Variants in CTNNA2 observed in about 807,000 individuals in gnomAD.
CTNNA2 encodes catenin alpha-2.
A neutral mutation model predicts 101.0 loss-of-function variants in CTNNA2; 42 were observed. That is an observed-to-expected ratio of 0.42 (90% CI 0.32 to 0.54). The LOEUF (loss-of-function observed/expected upper bound fraction) is 0.54. Among genes scored for constraint, CTNNA2 ranks in the 20% least tolerant of loss-of-function variants. CTNNA2 has a pLI of 0.14. For missense variants in CTNNA2, 871 were observed against 1,223.1 expected (o/e 0.71, Z 4.29); for synonymous variants, 450 against 456.4 (o/e 0.99, Z 0.18).
chr2:80,030,261 A>T (rs1298698953), intron 7 of CTNNA2, among the ~76,000 whole-genome samples: 1 of 152,110 alleles, frequency 6.6e-6, no homozygotes, highest in Non-Finnish European at 1.5e-5. Context: ...TTAAAAGAAA[A>T]AAACTGCTAA....
At chr2:80,075,527 A>ATAAC (rs1412170777) in intron 7 of CTNNA2, among the ~76,000 whole-genome samples, 1 of 146,520 alleles carries the variant, frequency 6.8e-6, no homozygotes, top group East Asian at 2.0e-4. Flanking sequence ...TCATCAAAAA[A>ATAAC]TAACTGTTAT....
chr2:80,031,976 C>G (rs1695321007), intron 7 of CTNNA2, among the ~76,000 whole-genome samples: 1 of 152,196 alleles, frequency 6.6e-6, no homozygotes, highest in Non-Finnish European at 1.5e-5. Context: ...CTTGAGAAAT[C>G]TGTTTTGAAG....
At chr2:79,872,166 TATTC>T (rs949222693) in intron 5 of CTNNA2, among the ~76,000 whole-genome samples, 6 of 152,202 alleles carry the variant, frequency 3.9e-5, no homozygotes, top group Admixed American at 3.9e-4. Context: ...TTATAAATAT[TATTC>T]ATGTTATTAA....
chr2:79,354,427 T>TCTTCCAG (rs1345506819), intron 3 of CTNNA2, among the ~76,000 whole-genome samples: 2 of 152,212 alleles, frequency 1.3e-5, no homozygotes, highest in Non-Finnish European at 2.9e-5. Flanking sequence ...AAAGGACATG[T>TCTTCCAG]CTTCCAGCTC....
intron 15 of CTNNA2, among the ~76,000 whole-genome samples, chr2:80,591,457 G>GTTTTTTTTTTCTTTTTTTTTTT (rs1696489265): frequency 1.4e-5 from 1 of 70,314 alleles, no homozygotes. Context: ...TGCACAGCCT[G>GTTTTTTTTTTCTTTTTTTTTTT]TTTTTTTTTT....
In CTNNA2 at chr2:80,302,556, C is replaced by T. The variant is rs777356920; in HGVS notation, c.1057-90655C>T. On this transcript the variant is annotated intron_variant, in intron 7 of 18. Transcript: ENST00000402739. The surrounding 1 kb of genome is among the most constrained non-coding windows in gnomAD (Gnocchi z 6.4). The stretch of plus-strand genomic sequence containing the variant: ...GTGACCACCTTGTGGATCTGCACGG[C>T]GTTCTCGGCGTGCTCGCCGCCTGGA... The T allele has an allele frequency of 1.9e-6, 3 of 1,608,854 alleles. No individual in the cohort carries two copies. Among genetic ancestry groups the T allele is most frequent in the Non-Finnish European group, 2.5e-6 (3 of 1,179,494 alleles).
In CTNNA2 at chr2:80,224,761, A is replaced by G. The variant is rs532465108; in HGVS notation, c.1057-168450A>G. Among the ~76,000 whole-genome samples, 23 of 152,214 alleles carry G rather than the reference A, an allele frequency of 1.5e-4. No homozygotes were observed. In the South Asian group the frequency reaches 4.6e-3, roughly 30 times the overall value. ...TGCCCAGCCACAGCTGCATTTATTA[A>G]TGCTACAAGAGACCTACCTCTAGTT... On this transcript the variant is annotated intron_variant, in intron 7 of 18. Coordinates refer to ENST00000402739, the MANE Select transcript of CTNNA2 (RefSeq NM_001282597.3).
chr2:80,275,217 A>G (rs1432480528), intron 7 of CTNNA2, among the ~76,000 whole-genome samples: 1 of 152,204 alleles, frequency 6.6e-6, no homozygotes, highest in Non-Finnish European at 1.5e-5. Flanking sequence ...AGAGAACAAA[A>G]TGTCTAACAG....
At chr2:79,674,513 AC>A (rs1683059399) in intron 2 of CTNNA2, among the ~76,000 whole-genome samples, 1 of 152,156 alleles carries the variant, frequency 6.6e-6, no homozygotes, top group Admixed American at 6.5e-5. Flanking sequence ...AAATGGCATG[AC>A]CCCATCACTA....
intron 7 of CTNNA2, among the ~76,000 whole-genome samples, chr2:80,137,734 CTT>C (rs200421120): frequency 8.2e-5 from 12 of 145,682 alleles, no homozygotes; most frequent in South Asian, 4.3e-4. Context: ...GATCTCCTGC[CTT>C]TTTTTTTTTT....
At chr2:79,822,592 C>T (rs4852531) in intron 3 of CTNNA2, among the ~76,000 whole-genome samples, 71,272 of 151,836 alleles carry the variant, frequency 0.47, 17,578 homozygotes, top group East Asian at 0.58. Context: ...ATTTTGCCTC[C>T]GGAATATCCC....
chr2:79,626,430 A>G (rs1679307663), intron 1 of CTNNA2, among the ~76,000 whole-genome samples: 1 of 152,186 alleles, frequency 6.6e-6, no homozygotes, highest in East Asian at 1.9e-4. Flanking sequence ...TTGTACCATT[A>G]GCCTGAAATT....
intron 7 of CTNNA2, among the ~76,000 whole-genome samples, chr2:80,273,935 G>A (rs1412825315): frequency 1.3e-5 from 2 of 152,056 alleles, no homozygotes; most frequent in East Asian, 1.9e-4. Flanking sequence ...GTGGAGATGC[G>A]AGATGTGTTG....
At chr2:79,872,390 T>C (rs1451772073) in intron 5 of CTNNA2, among the ~76,000 whole-genome samples, 1 of 152,216 alleles carries the variant, frequency 6.6e-6, no homozygotes, top group Non-Finnish European at 1.5e-5. Flanking sequence ...TTTTATTATT[T>C]TTTTTAGTAT....
intron 3 of CTNNA2, among the ~76,000 whole-genome samples, chr2:79,338,534 G>A (rs985691683): frequency 6.6e-6 from 1 of 151,674 alleles, no homozygotes; most frequent in Non-Finnish European, 1.5e-5. Flanking sequence ...ACTTTAAGAA[G>A]TGAGTAAAGA....
intron 1 of CTNNA2, among the ~76,000 whole-genome samples, chr2:79,637,976 C>T (rs1003655291): frequency 1.3e-5 from 2 of 152,154 alleles, no homozygotes; most frequent in East Asian, 1.9e-4. Context: ...GCTGAGACAG[C>T]GTGCTCAGCA....
intron 2 of CTNNA2, among the ~76,000 whole-genome samples, chr2:79,657,279 G>A (rs1420472573): frequency 6.6e-6 from 1 of 151,782 alleles, no homozygotes; most frequent in African/African-American, 2.4e-5. Context: ...AACAAGAAAG[G>A]TTAAAAGAAG....
At chr2:79,822,233 G>A (rs1678071001) in intron 3 of CTNNA2, among the ~76,000 whole-genome samples, 2 of 151,510 alleles carry the variant, frequency 1.3e-5, no homozygotes, top group Admixed American at 6.6e-5. Flanking sequence ...GAAAATCGAT[G>A]TTTAAGGAAC....
At chr2:79,195,536 C>T (rs1673948196) in intron 1 of CTNNA2, among the ~76,000 whole-genome samples, 1 of 152,202 alleles carries the variant, frequency 6.6e-6, no homozygotes, top group Admixed American at 6.5e-5. Context: ...TCAGTTTAGT[C>T]CTACTAACCA....
Sources: allele counts gnomAD v4.1 joint callset (sites outside exome capture counted in the v4.1 genomes callset), GRCh38; gene constraint gnomAD v4.1.1; non-coding constraint Gnocchi (gnomAD v3.1); transcripts MANE v1.5; gene names NCBI Gene and HGNC (gene_info 2026-07-23, HGNC 2026-07-21).